Variants in PSG5 observed in about 807,000 individuals in gnomAD.
PSG5 encodes the protein pregnancy-specific beta-1-glycoprotein 5.
PSG5 carries 53 observed loss-of-function variants against 37.7 expected under a neutral mutation model. The ratio of observed to expected loss-of-function variants is 1.41; its 90% CI spans 1.13 to 1.77. The LOEUF (loss-of-function observed/expected upper bound fraction) is 1.77. Ranked by LOEUF, PSG5 falls within the 40% of genes most tolerant of loss-of-function variation. The pLI, the probability that PSG5 is intolerant of heterozygous loss-of-function variation, is 0.00. For missense variants in PSG5, 547 were observed against 405.2 expected (o/e 1.35, Z -3.00); for synonymous variants, 221 against 155.4 (o/e 1.42, Z -3.14).
rs1297312564 is a variant in PSG5, at chr19:43,177,478, G to A, written c.431-1330C>T. 2.6e-5 allele frequency among the ~76,000 whole-genome samples: 4 copies of A among 151,232 alleles called. 2 individuals are homozygous for A. The highest frequency in any genetic ancestry group is 5.9e-5 in the Non-Finnish European group (4 of 67,852). On this transcript the variant is annotated intron_variant, in intron 2 of 5. Coordinates refer to ENST00000342951, the MANE Select transcript of PSG5 (RefSeq NM_002781.4). Reference sequence around the variant, plus strand: ...AGCATCAGATTAGTGGGCAAAAGTGGGAGGTGATAAGCCAAATATATTCCT... The same window carrying A: ...AGCATCAGATTAGTGGGCAAAAGTGAGAGGTGATAAGCCAAATATATTCCT...
chr19:43,175,807 T>G, intron 3 of PSG5, 63 bp downstream of exon 3: 1 of 1,599,500 alleles, frequency 6.3e-7, no homozygotes, highest in South Asian at 1.1e-5. Context: ...CTGAGAGGAC[T>G]GGCTTGTGGT....
intron 2 of PSG5, among the ~76,000 whole-genome samples, chr19:43,178,470 C>G (rs537944948): frequency 4.0e-5 from 6 of 151,586 alleles, no homozygotes; most frequent in African/African-American, 1.5e-4. Context: ...GTGGGGGCAT[C>G]CAGGCCATCT....
chr19:43,185,512 C>T (rs1436185853), intron 1 of PSG5, among the ~76,000 whole-genome samples: 5 of 150,672 alleles, frequency 3.3e-5, no homozygotes, highest in Non-Finnish European at 7.4e-5. Flanking sequence ...CTTCAGAGAC[C>T]CTGGGTCTTC....
Position 43,184,999 on chromosome 19 carries a change from T to G in PSG5, c.213A>C (p.Gln71His). 1 of 1,612,622 alleles carries G rather than the reference T, an allele frequency of 6.2e-7. No individual in the cohort carries two copies. Residue 71 changes from glutamine to histidine, a missense_variant, in exon 2 of 6, where the codon CAA becomes CAC. Gln to His is a conservative substitution (Grantham distance 24, BLOSUM62 0). Transcript: ENST00000342951. ...TAATGTAATGGTAGAGGTCCATCAG[T>G]TGTCCTTTGTACCAGATGTAGCCAG... ...NLAGYIWYKG[Q>H]LMDLYHYITS...
At chr19:43,172,507 A>T (rs1481951782) in intron 4 of PSG5, among the ~76,000 whole-genome samples, 8 of 151,758 alleles carry the variant, frequency 5.3e-5, no homozygotes, top group Admixed American at 5.3e-4. Flanking sequence ...GGAACAAACC[A>T]ATTAAAATTA....
At chr19:43,184,034 T>A (rs1004930033) in intron 2 of PSG5, among the ~76,000 whole-genome samples, 11 of 151,770 alleles carry the variant, frequency 7.2e-5, no homozygotes, top group Non-Finnish European at 1.5e-5. Context: ...GAAAGCACCT[T>A]TACGTCAGAT....
Position 43,186,415 on chromosome 19 carries a change from G to A in PSG5, c.-10C>T, listed in dbSNP as rs140503003. The A allele has an allele frequency of 0.016, 25,806 of 1,611,872 alleles. 751 individuals are homozygous for A. The highest frequency in any genetic ancestry group is 0.026 in the South Asian group (2,409 of 91,008). On this transcript the variant is annotated 5_prime_UTR_variant, in exon 1 of 6. Coordinates refer to ENST00000342951, the MANE Select transcript of PSG5 (RefSeq NM_002781.4). ...CTGAGAGGGGCCCCATGGTCTCTGCGCCTGCGTGTTCTCCTCTGTGGAGCT... is the reference window on the plus strand; with the variant it reads ...CTGAGAGGGGCCCCATGGTCTCTGCACCTGCGTGTTCTCCTCTGTGGAGCT...
chr19:43,183,926 A>T (rs1568376201), intron 2 of PSG5, among the ~76,000 whole-genome samples: 7 of 151,114 alleles, frequency 4.6e-5, no homozygotes, highest in African/African-American at 1.2e-4. Context: ...TTTTCATGCT[A>T]CTGTGAATAA....
At position 43,186,315 on chromosome 19, in the gene PSG5, T is replaced by C. The variant is rs756748063; in HGVS notation, c.64+27A>G. The stretch of plus-strand genomic sequence containing the variant: ...CCAGTCACTCTTCTTCCTCCTCCTG[T>C]CCTCTCCCAGGAAGTTCTCTCCTCA... On this transcript the variant is annotated intron_variant, in intron 1 of 5. Coordinates refer to ENST00000342951, the MANE Select transcript of PSG5 (RefSeq NM_002781.4). 12 of 1,611,116 alleles carry C rather than the reference T, an allele frequency of 7.4e-6. No homozygotes were observed. The East Asian group carries it at 2.2e-4, about 30-fold the overall frequency.
rs11671948 is a variant in PSG5 at position 43,179,224 on chromosome 19, A to T, written c.431-3076T>A. The T allele has an allele frequency of 4.1e-6, 6 of 1,481,422 alleles. No individual in the cohort carries two copies. The Admixed American group carries it at 7.4e-5, about 18-fold the overall frequency. The allele number at this position is 1,481,422 out of a possible 1,614,324, so 91.8% of individuals were successfully genotyped here. A position where few individuals can be genotyped will look rare whatever the true frequency, so the allele number is the denominator to read the frequency against. ...TTGATTCCTCCAAAGGCACTTTTCA[A>T]TCAGAGTTGGCATTTCCCACCTGTC... On this transcript the variant is annotated intron_variant, in intron 2 of 5. Transcript: ENST00000342951.
chr19:43,176,901 C>G (rs1296114803), intron 2 of PSG5, among the ~76,000 whole-genome samples: 1 of 151,278 alleles, frequency 6.6e-6, no homozygotes, highest in Non-Finnish European at 1.5e-5. Context: ...TAAGTTTCCT[C>G]TCCTTCTGCA....
At chr19:43,183,561 T>G (rs1461183169) in intron 2 of PSG5, 1 of 491,264 alleles carries the variant, frequency 2.0e-6, no homozygotes, top group African/African-American at 2.0e-5. Context: ...TCAGGTTCAG[T>G]GATGGGGGTT....
At chr19:43,168,291 G>C (rs182806306) in intron 5 of PSG5, 88 bp from the exon 6 acceptor site, 8 of 353,668 alleles carry the variant, frequency 2.3e-5, no homozygotes, top group African/African-American at 1.3e-4. Flanking sequence ...TAGAAATCCA[G>C]TTACTTCTGT....
At chr19:43,178,142 T>C (rs1209836382) in intron 2 of PSG5, among the ~76,000 whole-genome samples, 1 of 151,616 alleles carries the variant, frequency 6.6e-6, no homozygotes, top group Non-Finnish European at 1.5e-5. Flanking sequence ...CCCTCTCCCT[T>C]TGCAGAGGGC....
intron 2 of PSG5, chr19:43,183,619 G>A (rs1371522033): frequency 1.4e-5 from 5 of 346,060 alleles, no homozygotes; most frequent in Non-Finnish European, 2.9e-5. Context: ...TGACTCTGAC[G>A]GTTGAGGCAG....
chr19:43,171,914 G>T (rs8100769), intron 4 of PSG5, among the ~76,000 whole-genome samples: 100,329 of 148,508 alleles, frequency 0.68, 35,183 homozygotes, highest in East Asian at 0.98. Flanking sequence ...TAAGGCTGCA[G>T]TGAGCCATAA....
intron 4 of PSG5, among the ~76,000 whole-genome samples, chr19:43,172,140 G>A (rs1425790798): frequency 6.6e-6 from 1 of 151,284 alleles, no homozygotes; most frequent in African/African-American, 2.4e-5. Context: ...ACAAAAATAT[G>A]AATAGAACTA....
intron 5 of PSG5, 189 bp downstream of exon 5, chr19:43,169,866 A>C (rs965921535): frequency 5.1e-6 from 2 of 392,034 alleles, no homozygotes; most frequent in African/African-American, 2.1e-5. Flanking sequence ...TTATGTCTAA[A>C]AGACAGTGGG....
intron 2 of PSG5, chr19:43,183,521 T>C (rs1242729140): frequency 1.9e-6 from 1 of 519,678 alleles, no homozygotes; most frequent in East Asian, 5.6e-5. Context: ...TTCATGACAG[T>C]GACATGGGCA....
Sources: gnomAD v4.1 joint callset for allele counts (sites outside exome capture counted in the v4.1 genomes callset) on GRCh38, gnomAD v4.1.1 for gene constraint, MANE v1.5 for transcripts, NCBI Gene and HGNC (gene_info 2026-07-23, HGNC 2026-07-21) for gene names.